The following ZC4H2 variants were observed in gnomAD, a reference collection of about 807,000 sequenced individuals.
ZC4H2 encodes the protein zinc finger C4H2-type containing, also known as zinc finger C4H2 domain-containing protein.
For synonymous variants in ZC4H2, 84 were observed against 66.3 expected (o/e 1.27, Z -1.30); for missense variants, 137 against 173.9 (o/e 0.79, Z 1.19).
chrX:65,021,226 T>A lies in ZC4H2; in HGVS notation c.-272+13403A>T, dbSNP rs751504424. On this transcript the variant is annotated intron_variant, in intron 1 of 4. Coordinates refer to the ZC4H2 transcript ENST00000337990. Reference sequence around the variant, plus strand: ...CCCAAAATCGACAGAATATACATTTTTCTTAGCACCATATCGCACTTATTC... The same window carrying A: ...CCCAAAATCGACAGAATATACATTTATCTTAGCACCATATCGCACTTATTC... Among the ~76,000 whole-genome samples, 97 of 111,142 alleles carry A rather than the reference T, an allele frequency of 8.7e-4. 1 individual carries two copies. The highest frequency in any genetic ancestry group is 4.7e-3 in the Middle Eastern group (1 of 215).
intron 1 of ZC4H2, among the ~76,000 whole-genome samples, chrX:64,946,275 G>T (rs900849266): frequency 1.2e-4 from 13 of 111,671 alleles, no homozygotes; most frequent in Non-Finnish European, 1.1e-4. Context: ...TAGTCTGCAG[G>T]TTGCAAAAAC....
At chrX:64,947,093 C>T (rs749973591) in intron 1 of ZC4H2, among the ~76,000 whole-genome samples, 1 of 112,160 alleles carries the variant, frequency 8.9e-6, no homozygotes, top group African/African-American at 3.2e-5. Context: ...ATGAAATACA[C>T]ATCATTCAGA....
At chrX:64,934,481 C>T (rs992459069) in intron 1 of ZC4H2, among the ~76,000 whole-genome samples, 3 of 111,950 alleles carry the variant, frequency 2.7e-5, no homozygotes, top group African/African-American at 9.8e-5. Flanking sequence ...TCTTTTGATG[C>T]CTGTGGGGTC....
intron 1 of ZC4H2, among the ~76,000 whole-genome samples, chrX:65,019,003 G>C (rs1266791852): frequency 8.9e-6 from 1 of 111,768 alleles, no homozygotes; most frequent in Non-Finnish European, 1.9e-5. Context: ...TCTCTGCGCA[G>C]GGCATCTCTG....
intron 1 of ZC4H2, among the ~76,000 whole-genome samples, chrX:65,030,719 G>A (rs1932925807): frequency 9.0e-6 from 1 of 110,616 alleles, no homozygotes; most frequent in Non-Finnish European, 1.9e-5. Flanking sequence ...AACTAAGCTT[G>A]GCTTGCTTAG....
chrX:65,017,220 G>A (rs1389717567), intron 1 of ZC4H2, among the ~76,000 whole-genome samples: 3 of 111,929 alleles, frequency 2.7e-5, no homozygotes, highest in Non-Finnish European at 5.6e-5. Context: ...GAAGACCCAT[G>A]AGTTCTACCC....
At position 65,028,738 on chromosome X, in the gene ZC4H2, G is replaced by A. The variant is rs780228255; in HGVS notation, c.-272+5891C>T. Among the ~76,000 whole-genome samples, 6 of 111,253 alleles carry A rather than the reference G, an allele frequency of 5.4e-5. No individual in the cohort carries two copies. In the South Asian group the frequency reaches 2.3e-3, roughly 42 times the overall value. ...GTAGAGACAGGGTTTCACCATGTTG[G>A]CCAGGCTGGTCTCAAACTCCTGATC... On this transcript the variant is annotated intron_variant, in intron 1 of 4. Coordinates refer to the ZC4H2 transcript ENST00000337990.
intron 1 of ZC4H2, among the ~76,000 whole-genome samples, chrX:65,021,243 C>T: frequency 9.0e-6 from 1 of 110,914 alleles, no homozygotes; most frequent in East Asian, 2.8e-4. Context: ...CACCATATCG[C>T]ACTTATTCTA....
chrX:65,002,539 G>A (rs1269909652), intron 1 of ZC4H2, among the ~76,000 whole-genome samples: 18 of 111,646 alleles, frequency 1.6e-4, no homozygotes, highest in African/African-American at 4.2e-4. Context: ...CTGCCCGGCC[G>A]CCACCCCGTC....
At chrX:64,954,320 A>T (rs1390251449) in intron 1 of ZC4H2, among the ~76,000 whole-genome samples, 1 of 59,221 alleles carries the variant, frequency 1.7e-5, no homozygotes, top group Non-Finnish European at 2.4e-5. Context: ...AAGTATAATT[A>T]TATATATATA....
intron 1 of ZC4H2, among the ~76,000 whole-genome samples, chrX:65,030,768 G>C (rs1370083271): frequency 9.0e-6 from 1 of 110,904 alleles, no homozygotes; most frequent in Non-Finnish European, 1.9e-5. Flanking sequence ...CAGTTTAGTG[G>C]AAGTCCCCTA....
At chrX:65,025,469 G>A (rs1932871642) in intron 1 of ZC4H2, among the ~76,000 whole-genome samples, 1 of 110,914 alleles carries the variant, frequency 9.0e-6, no homozygotes, top group African/African-American at 3.3e-5. Context: ...TTATCTAAAT[G>A]GTAATATAAA....
intron 1 of ZC4H2, among the ~76,000 whole-genome samples, chrX:65,016,159 A>G (rs1932795972): frequency 9.0e-6 from 1 of 111,252 alleles, no homozygotes; most frequent in Admixed American, 9.6e-5. Flanking sequence ...TTTGCCAAAA[A>G]GAGACTTAAA....
chrX:65,022,974 T>C (rs745825968), intron 1 of ZC4H2, among the ~76,000 whole-genome samples: 3 of 111,700 alleles, frequency 2.7e-5, no homozygotes, highest in Non-Finnish European at 5.6e-5. Context: ...GTTGTAGATG[T>C]GTGGTGCTAT....
chrX:64,935,732 G>A (rs901771826), intron 1 of ZC4H2, among the ~76,000 whole-genome samples: 1 of 111,919 alleles, frequency 8.9e-6, no homozygotes, highest in Admixed American at 9.5e-5. Flanking sequence ...CAGCAGAGGG[G>A]CCCGACTGTT....
chrX:64,917,739 G>A lies in ZC4H2; in HGVS notation c.*44C>T. 2 of 1,190,851 alleles carry A rather than the reference G, an allele frequency of 1.7e-6. No homozygotes were observed. Among genetic ancestry groups the A allele is most frequent in the Non-Finnish European group, 2.3e-6 (2 of 884,697 alleles). ...CAGGACATCAATGACTCTGGTCAAG[G>A]TGAGGGGTTATAATTAGCAAAGCTT... On this transcript the variant is annotated 3_prime_UTR_variant, in exon 5 of 5. Transcript: ENST00000374839.
At chrX:64,945,930 C>T (rs1304524583) in intron 1 of ZC4H2, among the ~76,000 whole-genome samples, 1 of 110,870 alleles carries the variant, frequency 9.0e-6, no homozygotes, top group Non-Finnish European at 1.9e-5. Context: ...GCCCCTCCCC[C>T]CACCAAGCTC....
intron 1 of ZC4H2, among the ~76,000 whole-genome samples, chrX:64,944,141 C>CTTTTTTTTT (rs746540220): frequency 2.2e-5 from 2 of 89,146 alleles, no homozygotes; most frequent in African/African-American, 4.4e-5. Flanking sequence ...TTTCTTTTTT[C>CTTTTTTTTT]TTTTTTTTTT....
intron 1 of ZC4H2, among the ~76,000 whole-genome samples, chrX:64,988,229 T>C (rs1170796465): frequency 6.3e-5 from 7 of 111,174 alleles, no homozygotes; most frequent in Non-Finnish European, 1.3e-4. Flanking sequence ...GCATGATTTA[T>C]AATCCTTTGG....
Sources: gnomAD v4.1 joint callset for allele counts (sites outside exome capture counted in the v4.1 genomes callset) on GRCh38, gnomAD v4.1.1 for gene constraint, MANE v1.5 for transcripts, NCBI Gene and HGNC (gene_info 2026-07-23, HGNC 2026-07-21) for gene names.